CRISPLD2: variants seen among roughly 807,000 people sequenced by gnomAD.
The protein encoded by CRISPLD2 is cysteine rich secretory protein LCCL domain containing 2.
A neutral mutation model predicts 71.1 loss-of-function variants in CRISPLD2; 47 were observed. That is an observed-to-expected ratio of 0.66 (90% CI 0.52 to 0.84). The LOEUF is 0.84. Ranked by LOEUF, CRISPLD2 falls within the 40% of genes least tolerant of loss-of-function variation. CRISPLD2 has a pLI of 0.00. For missense variants in CRISPLD2, 830 were observed against 651.1 expected, an observed-to-expected ratio of 1.27 and a Z score of -2.99; for synonymous variants, 317 against 250.1, an observed-to-expected ratio of 1.27 and a Z score of -2.52.
intron 1 of CRISPLD2, among the ~76,000 whole-genome samples, chr16:84,827,420 C>T (rs149928766): frequency 6.6e-6 from 1 of 152,282 alleles, no homozygotes; most frequent in Non-Finnish European, 1.5e-5. Context: ...CTGCTCACCA[C>T]CTGGCCCTGG....
intron 13 of CRISPLD2, among the ~76,000 whole-genome samples, chr16:84,884,834 T>C (rs2071598359): frequency 6.6e-6 from 1 of 152,172 alleles, no homozygotes; most frequent in South Asian, 2.1e-4. Flanking sequence ...AAGCACCGCC[T>C]CTGGGGCTGC....
intron 14 of CRISPLD2, among the ~76,000 whole-genome samples, chr16:84,901,018 C>CAG (rs2071748847): frequency 1.1e-5 from 1 of 92,140 alleles, no homozygotes. Context: ...TCACTGCACA[C>CAG]ACACACACAC....
intron 5 of CRISPLD2, among the ~76,000 whole-genome samples, chr16:84,852,594 C>T (rs957169920): frequency 1.3e-5 from 2 of 152,160 alleles, no homozygotes; most frequent in Non-Finnish European, 2.9e-5. Flanking sequence ...GGGCTTGAGC[C>T]CCTGGGCTAT....
At position 84,861,711 on chromosome 16, in the gene CRISPLD2, G is replaced by A. The variant is rs562289385; in HGVS notation, c.710-5186G>A. On this transcript the variant is annotated intron_variant, in intron 6 of 14. Coordinates refer to ENST00000262424, the MANE Select transcript of CRISPLD2 (RefSeq NM_031476.4). Reference sequence around the variant, plus strand: ...TGACACTCAGTATTAACCATCACAGGCCAGGAGTTCTAGATCAGCCTGGAC... The same window carrying A: ...TGACACTCAGTATTAACCATCACAGACCAGGAGTTCTAGATCAGCCTGGAC... Among the ~76,000 whole-genome samples, 11 of 152,218 alleles carry A rather than the reference G, an allele frequency of 7.2e-5. No homozygotes were observed. The South Asian group carries it at 1.2e-3, about 17-fold the overall frequency.
intron 12 of CRISPLD2, 51 bp downstream of exon 12, chr16:84,877,561 C>A (rs757882775): frequency 1.9e-6 from 3 of 1,576,906 alleles, no homozygotes; most frequent in African/African-American, 2.7e-5. Context: ...TTAGAAGTAG[C>A]TTTTTAGGCT....
chr16:84,854,808 A>T lies in CRISPLD2; in HGVS notation c.688A>T (p.Arg230Trp), dbSNP rs1489275311. 2.1e-5 allele frequency: 34 copies of T among 1,613,972 alleles called. No individual in the cohort carries two copies. Among genetic ancestry groups the T allele is most frequent in the Non-Finnish European group, 2.5e-5 (30 of 1,179,928 alleles). ...CCCACCCAGCTATGGAGGCAGCTGC[A>T]GGAACAACTTGTGTTACCGAGGTAG... ...ECPPSYGGSC[R>W]NNLCYREETY... is the part of the protein sequence containing the mutation. Residue 230 changes from arginine (R) to tryptophan (W), a missense_variant, in exon 6 of 15, where the codon AGG (arginine) becomes TGG (tryptophan). Physicochemically the swap from Arg to Trp is moderately radical, Grantham distance 101. Transcript: ENST00000262424.
chr16:84,869,361 C>T (rs947117269), intron 8 of CRISPLD2, among the ~76,000 whole-genome samples: 1 of 152,214 alleles, frequency 6.6e-6, no homozygotes, highest in Non-Finnish European at 1.5e-5. Flanking sequence ...AAAACCATGT[C>T]ATTGGGAGAG....
At chr16:84,894,456 C>A (rs1037416040) in intron 14 of CRISPLD2, among the ~76,000 whole-genome samples, 1 of 152,134 alleles carries the variant, frequency 6.6e-6, no homozygotes. Flanking sequence ...CCATCTGAAT[C>A]GCAAATTCAT....
intron 5 of CRISPLD2, among the ~76,000 whole-genome samples, chr16:84,851,234 G>T (rs562214508): frequency 6.6e-6 from 1 of 152,316 alleles, no homozygotes; most frequent in East Asian, 1.9e-4. Flanking sequence ...TAGCTTCTCT[G>T]TTTCCCTCCA....
intron 1 of CRISPLD2, among the ~76,000 whole-genome samples, chr16:84,827,939 C>T (rs1242685557): frequency 6.6e-6 from 1 of 152,318 alleles, no homozygotes; most frequent in East Asian, 1.9e-4. Context: ...TGCCCCCCTC[C>T]TCTGTTCATC....
At chr16:84,874,258 G>A (rs943238392) in intron 11 of CRISPLD2, among the ~76,000 whole-genome samples, 1 of 152,308 alleles carries the variant, frequency 6.6e-6, no homozygotes, top group East Asian at 1.9e-4. Context: ...CACTGGGAGT[G>A]CCACTTTCTG....
Position 84,850,636 on chromosome 16 carries a change from A to G in CRISPLD2, c.561A>G (p.Gly187=). ...VNTCRKMTVW[G]EVWENAVYFV... ...CCTGCCGGAAGATGACTGTCTGGGG[A>G]GAAGTTTGGGAGAACGCGGTCTACT... Residue 187 remains glycine (G), a synonymous_variant, in exon 5 of 15, where the codon GGA becomes GGG. Coordinates refer to ENST00000262424, the MANE Select transcript of CRISPLD2 (RefSeq NM_031476.4). The G allele has an allele frequency of 6.2e-7, 1 of 1,614,064 alleles. No homozygotes were observed. Among genetic ancestry groups the G allele is most frequent in the African/African-American group, 1.3e-5 (1 of 74,996 alleles).
chr16:84,897,767 C>G (rs543189245), intron 14 of CRISPLD2, among the ~76,000 whole-genome samples: 1 of 152,210 alleles, frequency 6.6e-6, no homozygotes, highest in Non-Finnish European at 1.5e-5. Flanking sequence ...CAGGCACCCA[C>G]TGCCAGGCCC....
intron 5 of CRISPLD2, among the ~76,000 whole-genome samples, chr16:84,851,834 C>A (rs994550627): frequency 6.6e-6 from 1 of 152,178 alleles, no homozygotes; most frequent in Admixed American, 6.5e-5. Flanking sequence ...TGTAGCTGCC[C>A]CCTGCTTCCT....
chr16:84,874,018 C>T, intron 11 of CRISPLD2, 55 bp downstream of exon 11: 2 of 1,472,664 alleles, frequency 1.4e-6, no homozygotes, highest in Non-Finnish European at 1.9e-6. Flanking sequence ...TCAGATTTTC[C>T]TGGAAATTTC....
rs192139031 is a variant in CRISPLD2, at chr16:84,863,778, G to T, written c.710-3119G>T. On this transcript the variant is annotated intron_variant, in intron 6 of 14. Transcript: ENST00000262424. ...GAGGTCGGGAGTTTGAGACCAGCCT[G>T]ACCAACATGGAGAAACCCAGTCACT... is the stretch of plus-strand genomic sequence containing the variant. Among the ~76,000 whole-genome samples the T allele has an allele frequency of 2.0e-5, 3 of 152,184 alleles. No homozygotes were observed. In the East Asian group the frequency reaches 5.8e-4, roughly 29 times the overall value.
chr16:84,839,032 T>C, intron 2 of CRISPLD2: 1 of 495,204 alleles, frequency 2.0e-6, no homozygotes, highest in Non-Finnish European at 3.8e-6. Context: ...ACTACAGGCA[T>C]GCACCATGGT....
At chr16:84,893,629 G>T (rs1048848426) in intron 14 of CRISPLD2, among the ~76,000 whole-genome samples, 2 of 152,196 alleles carry the variant, frequency 1.3e-5, no homozygotes, top group Non-Finnish European at 2.9e-5. Flanking sequence ...GGCCCAGGGG[G>T]TCACTGTTGT....
At chr16:84,840,047 CCA>C (rs552814455) in intron 2 of CRISPLD2, 179 of 153,870 alleles carry the variant, frequency 1.2e-3, no homozygotes, top group Non-Finnish European at 1.8e-3. Context: ...CACATCTCCC[CCA>C]GAGTCTGAGT....
Sources: gnomAD v4.1 joint callset for allele counts (sites outside exome capture counted in the v4.1 genomes callset) on GRCh38, gnomAD v4.1.1 for gene constraint, MANE v1.5 for transcripts, NCBI Gene and HGNC (gene_info 2026-07-23, HGNC 2026-07-21) for gene names.